Variants in AMOTL1 observed in about 807,000 individuals in gnomAD.
AMOTL1 encodes the protein angiomotin-like protein 1.
Under a neutral mutation model 102.9 loss-of-function variants are expected in AMOTL1, and 45 were observed. That is an observed-to-expected ratio of 0.44 (90% CI 0.34 to 0.56). The LOEUF is 0.56. Ranked by LOEUF, AMOTL1 falls within the 20% of genes least tolerant of loss-of-function variation. The pLI, the probability that AMOTL1 is intolerant of heterozygous loss-of-function variation, is 0.01. For missense variants in AMOTL1, 1,114 were observed against 1,225.6 expected, an observed-to-expected ratio of 0.91 and a Z score of 1.36; for synonymous variants, 481 against 484.7, an observed-to-expected ratio of 0.99 and a Z score of 0.10.
At chr11:94,791,295 AG>A (rs1951281390) in intron 1 of AMOTL1, among the ~76,000 whole-genome samples, 1 of 152,226 alleles carries the variant, frequency 6.6e-6, no homozygotes, top group African/African-American at 2.4e-5. Context: ...TGTGGAGTGC[AG>A]CAAAAACAGA....
intron 2 of AMOTL1, among the ~76,000 whole-genome samples, chr11:94,740,609 C>T (rs1950507003): frequency 6.7e-6 from 1 of 149,162 alleles, no homozygotes; most frequent in Non-Finnish European, 1.5e-5. Flanking sequence ...CAATGCGCCC[C>T]GCGGGCTGAG....
At chr11:94,761,207 T>A (rs1473478994) in intron 3 of AMOTL1, among the ~76,000 whole-genome samples, 1 of 147,288 alleles carries the variant, frequency 6.8e-6, no homozygotes, top group Non-Finnish European at 1.5e-5. Context: ...TTTTTTTTTT[T>A]AGACAGAGTC....
chr11:94,796,720 C>A (rs1374690845), intron 2 of AMOTL1, among the ~76,000 whole-genome samples: 5 of 152,102 alleles, frequency 3.3e-5, no homozygotes. Context: ...CACGGAGTTA[C>A]AGTATTTTGC....
In AMOTL1 at chr11:94,850,250, G is replaced by A. The variant is rs1952506486; in HGVS notation, c.1785G>A (p.Leu595=). 1 of 1,594,462 alleles carries A rather than the reference G, an allele frequency of 6.3e-7. No homozygotes were observed. The highest frequency in any genetic ancestry group is 1.7e-4 in the Middle Eastern group (1 of 5,944). ...LSNAQARVIK[L]EEELREKQAY... ...ACGCCCAGGCCAGGGTCATCAAGCT[G>A]GAAGAGGAGGTGAGACCAGGCTGTG... Residue 595 remains leucine (L), a synonymous_variant, in exon 7 of 13, where the codon CTG becomes CTA. Transcript: ENST00000433060.
At chr11:94,730,474 C>T (rs1430858) in intron 2 of AMOTL1, among the ~76,000 whole-genome samples, 42,268 of 152,066 alleles carry the variant, frequency 0.28, 6,168 homozygotes, top group Middle Eastern at 0.33. Flanking sequence ...AGTCTCTCCT[C>T]CCTCCTCAGT....
chr11:94,754,577 C>G (rs1950698478), intron 3 of AMOTL1, among the ~76,000 whole-genome samples: 1 of 152,188 alleles, frequency 6.6e-6, no homozygotes, highest in South Asian at 2.1e-4. Flanking sequence ...TGGGACAAAG[C>G]TGTTACACCA....
intron 1 of AMOTL1, among the ~76,000 whole-genome samples, chr11:94,779,719 T>C (rs1372957879): frequency 6.6e-6 from 1 of 152,226 alleles, no homozygotes. Context: ...TCTGGTCACA[T>C]TGATTTAGAC....
At chr11:94,740,914 T>C in intron 2 of AMOTL1, 1 of 1,288,832 alleles carries the variant, frequency 7.8e-7, no homozygotes. Context: ...ATTCGAGTTG[T>C]TTTCTGCTTT....
At chr11:94,775,903 G>T (rs1233998430) in intron 1 of AMOTL1, among the ~76,000 whole-genome samples, 1 of 152,138 alleles carries the variant, frequency 6.6e-6, no homozygotes, top group Non-Finnish European at 1.5e-5. Flanking sequence ...TTGAAAGCTG[G>T]GTCAGCATGG....
At chr11:94,864,962 T>C in intron 10 of AMOTL1, 102 bp downstream of exon 10, 1 of 1,409,378 alleles carries the variant, frequency 7.1e-7, no homozygotes, top group South Asian at 1.8e-5. Context: ...GCTGTGAGCA[T>C]GAGGTCTCCA....
rs187740026 is a variant in AMOTL1 at position 94,850,777 on chromosome 11, C to T, written c.1794+518C>T. Among the ~76,000 whole-genome samples the T allele has an allele frequency of 3.6e-3, 546 of 152,266 alleles. 3 individuals carry two copies. Among genetic ancestry groups the T allele is most frequent in the African/African-American group, 0.013 (535 of 41,552 alleles). On this transcript the variant is annotated intron_variant, in intron 7 of 12. Coordinates refer to ENST00000433060, the MANE Select transcript of AMOTL1 (RefSeq NM_130847.3). Reference sequence around the variant, plus strand: ...CACCCTGTGGTGGTGGCGGCAGGTGCCTCTGTGTTACACAGGCTTACCTGA... The same window carrying T: ...CACCCTGTGGTGGTGGCGGCAGGTGTCTCTGTGTTACACAGGCTTACCTGA...
At chr11:94,794,606 T>C (rs1951334003) in intron 1 of AMOTL1, among the ~76,000 whole-genome samples, 1 of 152,226 alleles carries the variant, frequency 6.6e-6, no homozygotes, top group South Asian at 2.1e-4. Flanking sequence ...AGACAGCTGC[T>C]CTTCCTGTTT....
At chr11:94,830,016 A>G (rs745591880) in intron 4 of AMOTL1, 34 bp from the exon 5 acceptor site, 133 of 1,556,252 alleles carry the variant, frequency 8.5e-5, no homozygotes, top group Non-Finnish European at 1.1e-4. Flanking sequence ...ATGAATGTCA[A>G]AGGTACCACT....
At position 94,850,161 on chromosome 11, in the gene AMOTL1, G is replaced by T; in HGVS notation, c.1696G>T (p.Ala566Ser). The change falls in exon 7 of 13, where the codon GCA becomes TCA. Residue 566 changes from alanine (A) to serine (S), a missense_variant. By Grantham distance (99) the Ala-to-Ser change is moderately conservative. Coordinates refer to ENST00000433060, the MANE Select transcript of AMOTL1 (RefSeq NM_130847.3). ...GGAGAAATTAGAAATGGAGTTAGCA[G>T]CAGTGCGGACTGCAAGTGAGGACCA... ...EKEKLEMELA[A>S]VRTASEDHRR... The T allele has an allele frequency of 6.3e-7, 1 of 1,588,558 alleles. No homozygotes were observed. Among genetic ancestry groups the T allele is most frequent in the Non-Finnish European group, 8.6e-7 (1 of 1,166,992 alleles).
At chr11:94,755,940 T>G (rs1565340502) in intron 3 of AMOTL1, among the ~76,000 whole-genome samples, 1 of 152,104 alleles carries the variant, frequency 6.6e-6, no homozygotes, top group East Asian at 1.9e-4. Context: ...ACCAGAAAAA[T>G]TGGATCACAC....
chr11:94,748,578 G>T (rs1322297193), intron 3 of AMOTL1, among the ~76,000 whole-genome samples: 4 of 152,086 alleles, frequency 2.6e-5, no homozygotes, highest in Non-Finnish European at 5.9e-5. Flanking sequence ...TAAGAGCATG[G>T]GTATCAAGCC....
At chr11:94,813,972 G>A (rs1226116108) in intron 3 of AMOTL1, among the ~76,000 whole-genome samples, 1 of 152,140 alleles carries the variant, frequency 6.6e-6, no homozygotes, top group Non-Finnish European at 1.5e-5. Flanking sequence ...TTCACTTAAT[G>A]TGAAGAGGAA....
At chr11:94,806,966 G>A (rs1056126487) in intron 3 of AMOTL1, among the ~76,000 whole-genome samples, 2 of 152,152 alleles carry the variant, frequency 1.3e-5, no homozygotes, top group Non-Finnish European at 2.9e-5. Context: ...GTAGCAAATT[G>A]CATAAGTTCT....
chr11:94,775,764 G>A (rs1207932756), intron 1 of AMOTL1, among the ~76,000 whole-genome samples: 1 of 152,206 alleles, frequency 6.6e-6, no homozygotes, highest in Non-Finnish European at 1.5e-5. Flanking sequence ...GGCTTCAGAT[G>A]ATAAGACAGG....
Sources: allele counts gnomAD v4.1 joint callset (sites outside exome capture counted in the v4.1 genomes callset), GRCh38; gene constraint gnomAD v4.1.1; transcripts MANE v1.5; gene names NCBI Gene and HGNC (gene_info 2026-07-23, HGNC 2026-07-21).